LINGO2: variants seen among roughly 807,000 people sequenced by gnomAD.
LINGO2 encodes leucine-rich repeat and immunoglobulin-like domain-containing nogo receptor-interacting protein 2.
In LINGO2, 14 loss-of-function variants were observed where a neutral mutation model predicts 30.6. That is an observed-to-expected ratio of 0.46 (90% CI 0.30 to 0.72). The LOEUF is 0.72. Among genes scored for constraint, LINGO2 ranks in the 30% least tolerant of loss-of-function variants. The pLI is 0.07. For synonymous variants in LINGO2, 317 were observed against 288.5 expected (o/e 1.10, Z -1.00); for missense variants, 729 against 751.7 (o/e 0.97, Z 0.35).
At chr9:29,207,907 T>G in the LINGO2 span, among the ~76,000 whole-genome samples, 3 of 152,080 alleles carry the variant, frequency 2.0e-5, no homozygotes, top group Non-Finnish European at 4.4e-5. Flanking sequence ...TTTTAAAATT[T>G]TATTCAAATC....
chr9:28,718,446 C>T, the LINGO2 span, among the ~76,000 whole-genome samples: 1 of 152,022 alleles, frequency 6.6e-6, no homozygotes, highest in Non-Finnish European at 1.5e-5. Flanking sequence ...ACATTGCTAT[C>T]ATACCAGACA....
intron 1 of LINGO2, among the ~76,000 whole-genome samples, chr9:28,494,154 T>C (rs1469940580): frequency 6.6e-6 from 1 of 151,940 alleles, no homozygotes; most frequent in African/African-American, 2.4e-5. Context: ...GAAATACCGG[T>C]TTTTGCCATT....
At chr9:28,399,661 G>A (rs1421834935) in intron 2 of LINGO2, among the ~76,000 whole-genome samples, 1 of 152,114 alleles carries the variant, frequency 6.6e-6, no homozygotes, top group African/African-American at 2.4e-5. Flanking sequence ...GAAATACTAT[G>A]GGGTTAATAC....
intron 4 of LINGO2, among the ~76,000 whole-genome samples, chr9:28,266,329 T>C (rs7872588): frequency 0.98 from 149,498 of 152,030 alleles, 73,544 homozygotes; most frequent in Middle Eastern, 1. Context: ...CAGAGGATTC[T>C]TATAAGAAAG....
At chr9:28,693,971 G>A in the LINGO2 span, among the ~76,000 whole-genome samples, 1 of 151,836 alleles carries the variant, frequency 6.6e-6, no homozygotes, top group African/African-American at 2.4e-5. Flanking sequence ...ATTATACACT[G>A]ACCCCATCAA....
chr9:28,584,527 G>T (rs1024766513), intron 1 of LINGO2, among the ~76,000 whole-genome samples: 1 of 151,850 alleles, frequency 6.6e-6, no homozygotes, highest in African/African-American at 2.4e-5. Context: ...AAAATAACTT[G>T]TTGAATATAG....
chr9:28,591,030 C>T lies in LINGO2; in HGVS notation c.-365+79170G>A, dbSNP rs559181119. On this transcript the variant is annotated intron_variant, in intron 1 of 5. Transcript: ENST00000379992. The stretch of plus-strand genomic sequence containing the variant: ...ATAGGGACATGGATGAAGCTGGAAA[C>T]CATCATTCTCAGCAAACTATTGCAA... Among the ~76,000 whole-genome samples, 4 of 152,016 alleles carry T rather than the reference C, an allele frequency of 2.6e-5. No individual in the cohort carries two copies. In the South Asian group the frequency reaches 6.2e-4, roughly 24 times the overall value.
intron 1 of LINGO2, among the ~76,000 whole-genome samples, chr9:28,625,458 C>A (rs1826617717): frequency 6.6e-6 from 1 of 151,998 alleles, no homozygotes; most frequent in South Asian, 2.1e-4. Flanking sequence ...GATTGCTCAC[C>A]TGATTTTTGG....
chr9:28,640,400 A>G (rs1280266727), intron 1 of LINGO2, among the ~76,000 whole-genome samples: 1 of 151,932 alleles, frequency 6.6e-6, no homozygotes. Flanking sequence ...CTCCTGGATA[A>G]TATCCTGCAG....
intron 1 of LINGO2, among the ~76,000 whole-genome samples, chr9:28,632,599 GTAGA>G (rs1249252655): frequency 1.4e-5 from 2 of 139,460 alleles, no homozygotes; most frequent in South Asian, 2.3e-4. Flanking sequence ...ATGTAAATAT[GTAGA>G]TAAATATATT....
intron 3 of LINGO2, among the ~76,000 whole-genome samples, chr9:28,307,680 C>G (rs1445941180): frequency 2.0e-5 from 3 of 152,048 alleles, no homozygotes; most frequent in Non-Finnish European, 1.5e-5. Context: ...TCTAGAAAAC[C>G]CCATTGTCTC....
At chr9:28,258,204 T>C (rs1822445296) in intron 4 of LINGO2, among the ~76,000 whole-genome samples, 1 of 151,874 alleles carries the variant, frequency 6.6e-6, no homozygotes, top group African/African-American at 2.4e-5. Flanking sequence ...ACAAAGGCTA[T>C]AAAAATATTG....
intron 4 of LINGO2, among the ~76,000 whole-genome samples, chr9:28,051,490 A>G (rs1824670375): frequency 6.6e-6 from 1 of 151,704 alleles, no homozygotes; most frequent in Non-Finnish European, 1.5e-5. Context: ...TTTTGCATAT[A>G]TTTATCCAAA....
At chr9:29,075,754 A>T in the LINGO2 span, among the ~76,000 whole-genome samples, 13 of 152,318 alleles carry the variant, frequency 8.5e-5, no homozygotes, top group East Asian at 2.3e-3. Context: ...AGCAAAGGCT[A>T]GCAGAAAACA....
chr9:29,026,550 GA>G, the LINGO2 span, among the ~76,000 whole-genome samples: 2 of 151,258 alleles, frequency 1.3e-5, no homozygotes, highest in Admixed American at 6.6e-5. Context: ...ATTATATGTA[GA>G]AAAAACAGTA....
At chr9:28,844,177 C>T in the LINGO2 span, among the ~76,000 whole-genome samples, 1 of 151,768 alleles carries the variant, frequency 6.6e-6, no homozygotes, top group Non-Finnish European at 1.5e-5. Flanking sequence ...GCCTGGCCAA[C>T]ATGGTGAAAC....
At chr9:29,033,378 C>CTATATATATATATATATATA in the LINGO2 span, among the ~76,000 whole-genome samples, 426 of 140,742 alleles carry the variant, frequency 3.0e-3, 4 homozygotes, top group Non-Finnish European at 3.9e-3. Context: ...AACTGCTTTA[C>CTATATATATATATATATATA]TATATATATA....
chr9:28,359,608 A>G (rs957515636), intron 3 of LINGO2, among the ~76,000 whole-genome samples: 1 of 152,218 alleles, frequency 6.6e-6, no homozygotes, highest in Non-Finnish European at 1.5e-5. Context: ...AAATATATTT[A>G]TGAAGCATAC....
intron 4 of LINGO2, among the ~76,000 whole-genome samples, chr9:28,235,600 A>C (rs1347595810): frequency 6.6e-6 from 1 of 152,226 alleles, no homozygotes; most frequent in Admixed American, 6.5e-5. Context: ...CAGATAACGC[A>C]GAGACGAAAT....
Sources: gnomAD v4.1 joint callset for allele counts (sites outside exome capture counted in the v4.1 genomes callset) on GRCh38, gnomAD v4.1.1 for gene constraint, MANE v1.5 for transcripts, NCBI Gene and HGNC (gene_info 2026-07-23, HGNC 2026-07-21) for gene names.